Variants in C12orf42 observed in about 807,000 individuals in gnomAD.
C12orf42 encodes the protein uncharacterized protein C12orf42.
In C12orf42, 25 loss-of-function variants were observed where a neutral mutation model predicts 21.6. The ratio of observed to expected loss-of-function variants is 1.16; its 90% confidence interval spans 0.84 to 1.62. The LOEUF is 1.62. Ranked by LOEUF, C12orf42 falls within the 40% of genes most tolerant of loss-of-function variation. C12orf42 has a pLI of 0.00. For missense variants in C12orf42, 483 were observed against 459.3 expected, an observed-to-expected ratio of 1.05 and a Z score of -0.47; for synonymous variants, 174 against 175.0, an observed-to-expected ratio of 0.99 and a Z score of 0.05.
At chr12:103,331,575 C>T (rs374558164) in intron 4 of C12orf42, among the ~76,000 whole-genome samples, 3 of 152,156 alleles carry the variant, frequency 2.0e-5, no homozygotes, top group Admixed American at 2.0e-4. Context: ...AAGGCAAGTC[C>T]AGGGAGCTGA....
the C12orf42 span, among the ~76,000 whole-genome samples, chr12:103,135,348 C>T: frequency 1.3e-5 from 2 of 151,978 alleles, no homozygotes; most frequent in African/African-American, 2.4e-5. Context: ...GTCCCAGCTA[C>T]TCAGGAGGCT....
the C12orf42 span, among the ~76,000 whole-genome samples, chr12:103,086,390 A>G: frequency 6.6e-6 from 1 of 151,742 alleles, no homozygotes; most frequent in South Asian, 2.1e-4. Context: ...AAAAGAGAGA[A>G]CTATTTCTAA....
chr12:103,302,401 TGCTTTGGATGTCGTCG>T lies in C12orf42; in HGVS notation c.774_789del (p.Asp260SerfsTer63). ...GGATTTCCGGACGCGCCCAGGAGTC[TGCTTTGGATGTCGTCG>T]GGGTGTGCCTGAGCGCCTGCTGGGA... On this transcript the variant is annotated frameshift_variant, in exon 6 of 6. Coordinates refer to ENST00000548883, the MANE Select transcript of C12orf42 (RefSeq NM_198521.5). LOFTEE classifies it low-confidence loss of function (END_TRUNC). 6.2e-7 allele frequency: 1 copy of T among 1,613,860 alleles called. No individual in the cohort carries two copies. The highest frequency in any genetic ancestry group is 8.5e-7 in the Non-Finnish European group (1 of 1,179,842).
rs114461141 is a variant in C12orf42, at chr12:103,250,398, C to T, written c.*1367-12496G>A. ...TTCACATCCAGCAGAAAAGCACAAG[C>T]CTTTTCTCCAACAGCACCTACATTT... On this transcript the variant is annotated intron_variant and NMD_transcript_variant, in intron 10 of 10. Transcript: ENST00000547347. 4.7e-3 allele frequency among the ~76,000 whole-genome samples: 720 copies of T among 152,112 alleles called. 9 individuals are homozygous for T. Among genetic ancestry groups the T allele is most frequent in the African/African-American group, 0.017 (686 of 41,492 alleles).
At chr12:103,124,965 T>C in the C12orf42 span, among the ~76,000 whole-genome samples, 2 of 152,192 alleles carry the variant, frequency 1.3e-5, no homozygotes, top group South Asian at 4.1e-4. Context: ...TCAGAAAGCA[T>C]TATATTCAAA....
At chr12:103,486,465 C>T (rs1290180258) in intron 1 of C12orf42, among the ~76,000 whole-genome samples, 1 of 151,868 alleles carries the variant, frequency 6.6e-6, no homozygotes, top group Non-Finnish European at 1.5e-5. Flanking sequence ...CGGGATAATG[C>T]TGGCCTCATA....
At chr12:103,421,916 C>G (rs546578035) in intron 2 of C12orf42, among the ~76,000 whole-genome samples, 1 of 152,218 alleles carries the variant, frequency 6.6e-6, no homozygotes, top group South Asian at 2.1e-4. Context: ...TACATTCATG[C>G]TCCAAATAAT....
the C12orf42 span, among the ~76,000 whole-genome samples, chr12:103,554,763 C>G: frequency 6.6e-6 from 1 of 152,096 alleles, no homozygotes; most frequent in Admixed American, 6.6e-5. Context: ...AACCAGATCT[C>G]CTGAGAACTC....
At chr12:103,486,959 A>C (rs1309688686) in intron 1 of C12orf42, among the ~76,000 whole-genome samples, 1 of 152,110 alleles carries the variant, frequency 6.6e-6, no homozygotes, top group Non-Finnish European at 1.5e-5. Context: ...TATCTCATTC[A>C]GTTCTGCTCT....
chr12:103,475,205 G>A (rs913336190), intron 2 of C12orf42, among the ~76,000 whole-genome samples: 6 of 152,158 alleles, frequency 3.9e-5, no homozygotes, highest in Non-Finnish European at 8.8e-5. Context: ...GGCTTTTGCC[G>A]CGGCTTCCTC....
At chr12:103,483,482 T>A (rs1269364475) in intron 1 of C12orf42, among the ~76,000 whole-genome samples, 1 of 152,082 alleles carries the variant, frequency 6.6e-6, no homozygotes, top group East Asian at 1.9e-4. Flanking sequence ...AGTTGAAATT[T>A]TTTTTCAGAC....
chr12:103,400,574 C>CACT (rs1372035871), intron 3 of C12orf42, among the ~76,000 whole-genome samples: 2 of 152,310 alleles, frequency 1.3e-5, no homozygotes, highest in African/African-American at 4.8e-5. Context: ...TATTCCTCTG[C>CACT]TTTAGTGCAA....
At chr12:103,550,288 C>T in the C12orf42 span, among the ~76,000 whole-genome samples, 1 of 152,070 alleles carries the variant, frequency 6.6e-6, no homozygotes, top group Non-Finnish European at 1.5e-5. Flanking sequence ...TAAAACTATA[C>T]TCAAAGTCAT....
the C12orf42 span, among the ~76,000 whole-genome samples, chr12:103,507,140 T>C: frequency 5.1e-5 from 1 of 19,488 alleles, no homozygotes; most frequent in Non-Finnish European, 6.9e-5. Flanking sequence ...ATATATTATA[T>C]ATATAATATA....
At chr12:103,456,197 A>G (rs1446885300) in intron 2 of C12orf42, 1 of 152,116 alleles carries the variant, frequency 6.6e-6, no homozygotes, top group Non-Finnish European at 1.5e-5. Flanking sequence ...AAAGCATTGT[A>G]GGTCATTCTG....
At chr12:103,146,966 C>T in the C12orf42 span, among the ~76,000 whole-genome samples, 19 of 152,216 alleles carry the variant, frequency 1.2e-4, no homozygotes, top group African/African-American at 3.4e-4. Flanking sequence ...CTGAAGGCCA[C>T]TGAGGCATGG....
the C12orf42 span, among the ~76,000 whole-genome samples, chr12:103,146,645 A>C: frequency 6.6e-6 from 1 of 152,114 alleles, no homozygotes; most frequent in Non-Finnish European, 1.5e-5. Flanking sequence ...ATAAATGAGC[A>C]TGTGGAGGCA....
intron 3 of C12orf42, among the ~76,000 whole-genome samples, chr12:103,400,978 A>G (rs1296022994): frequency 1.3e-5 from 2 of 152,160 alleles, no homozygotes; most frequent in Admixed American, 1.3e-4. Context: ...TTTTTATCCC[A>G]ATCCTGCTTT....
At chr12:103,544,736 T>G in the C12orf42 span, among the ~76,000 whole-genome samples, 3 of 152,244 alleles carry the variant, frequency 2.0e-5, no homozygotes, top group African/African-American at 7.2e-5. Context: ...TCTTCAGACC[T>G]ATTTTTCAGT....
Sources: allele counts gnomAD v4.1 joint callset (sites outside exome capture counted in the v4.1 genomes callset), GRCh38; gene constraint gnomAD v4.1.1; transcripts MANE v1.5; gene names NCBI Gene and HGNC (gene_info 2026-07-23, HGNC 2026-07-21).